ERC2: variants seen among roughly 807,000 people sequenced by gnomAD.
ERC2 encodes ERC protein 2.
In ERC2, 42 loss-of-function variants were observed where a neutral mutation model predicts 114.8. That is an observed-to-expected ratio of 0.37 (90% confidence interval 0.29 to 0.47). The LOEUF (loss-of-function observed/expected upper bound fraction) is 0.47, where lower values mean the gene tolerates loss of function less well. Among genes scored for constraint, ERC2 ranks in the 20% least tolerant of loss-of-function variants. The pLI is 0.99. For synonymous variants in ERC2, 454 were observed against 425.5 expected (o/e 1.07, Z -0.82); for missense variants, 939 against 1,150.7 (o/e 0.82, Z 2.66).
chr3:55,782,349 AT>A (rs1347861129), intron 14 of ERC2, among the ~76,000 whole-genome samples: 2 of 152,272 alleles, frequency 1.3e-5, no homozygotes, highest in African/African-American at 4.8e-5. Context: ...TTCCCCCTGC[AT>A]CCTTTTGCAT....
At chr3:55,944,304 A>G (rs1409131319) in intron 13 of ERC2, among the ~76,000 whole-genome samples, 2 of 152,240 alleles carry the variant, frequency 1.3e-5, no homozygotes, top group African/African-American at 4.8e-5. Context: ...AACCCTTTGG[A>G]AAAGAATAAT....
At chr3:56,071,708 C>T (rs2076747554) in intron 7 of ERC2, among the ~76,000 whole-genome samples, 1 of 152,036 alleles carries the variant, frequency 6.6e-6, no homozygotes, top group African/African-American at 2.4e-5. Flanking sequence ...AATAAAATAC[C>T]ATTTCATCAA....
At chr3:56,123,963 T>C (rs1339492878) in intron 6 of ERC2, among the ~76,000 whole-genome samples, 1 of 152,232 alleles carries the variant, frequency 6.6e-6, no homozygotes, top group Non-Finnish European at 1.5e-5. Flanking sequence ...AGCCAATTTG[T>C]ATTACAGATA....
rs954634863 is a variant in ERC2, at chr3:55,854,366, T to A, written c.2564+34023A>T. Among the ~76,000 whole-genome samples the A allele has an allele frequency of 2.0e-5, 3 of 152,146 alleles. No homozygotes were observed. In the South Asian group the frequency reaches 6.2e-4, roughly 31 times the overall value. On this transcript the variant is annotated intron_variant, in intron 14 of 17. Coordinates refer to ENST00000288221, the MANE Select transcript of ERC2 (RefSeq NM_015576.3). ...CTTGAGTTTTTGCTTTTGTAGTTGT[T>A]TTGTTTTGTTTTGTTTTGGTTTTGG...
At chr3:55,573,129 C>G (rs1472128595) in intron 17 of ERC2, among the ~76,000 whole-genome samples, 1 of 152,156 alleles carries the variant, frequency 6.6e-6, no homozygotes. Flanking sequence ...GTAAATATTT[C>G]TGGTATGTTA....
chr3:56,078,289 T>C lies in ERC2; in HGVS notation c.1641+2528A>G, dbSNP rs1192147105. On this transcript the variant is annotated intron_variant, in intron 7 of 17. Coordinates refer to ENST00000288221, the MANE Select transcript of ERC2 (RefSeq NM_015576.3). ...AAATCACCAATATCCTGAGAGTTTCTAACGAATGCAGTGTCTCTACTTTTA... is the reference window on the plus strand; with the variant it reads ...AAATCACCAATATCCTGAGAGTTTCCAACGAATGCAGTGTCTCTACTTTTA... Among the ~76,000 whole-genome samples the C allele has an allele frequency of 2.0e-5, 3 of 152,238 alleles. No individual in the cohort carries two copies. In the East Asian group the frequency reaches 5.8e-4, roughly 29 times the overall value.
At chr3:56,048,268 A>G (rs1438537924) in intron 7 of ERC2, among the ~76,000 whole-genome samples, 1 of 152,188 alleles carries the variant, frequency 6.6e-6, no homozygotes, top group Non-Finnish European at 1.5e-5. Context: ...TCCCAGTGCC[A>G]GGCACTGTTT....
chr3:56,404,526 G>T (rs528843902), intron 2 of ERC2, among the ~76,000 whole-genome samples: 29 of 152,212 alleles, frequency 1.9e-4, no homozygotes, highest in African/African-American at 7.0e-4. Context: ...ACACAACAGG[G>T]TGATTATAGT....
chr3:55,767,302 T>G (rs1474021514), intron 14 of ERC2, among the ~76,000 whole-genome samples: 1 of 152,226 alleles, frequency 6.6e-6, no homozygotes, highest in Non-Finnish European at 1.5e-5. Flanking sequence ...AAGTCACTAC[T>G]ACTTTTTTCC....
chr3:55,903,457 T>C (rs780616916), intron 13 of ERC2, among the ~76,000 whole-genome samples: 9 of 152,354 alleles, frequency 5.9e-5, no homozygotes, highest in Middle Eastern at 6.8e-3. Flanking sequence ...TGGGACTTTT[T>C]CTTTCTTGTA....
At chr3:56,345,221 A>G (rs1048592089) in intron 2 of ERC2, among the ~76,000 whole-genome samples, 6 of 152,218 alleles carry the variant, frequency 3.9e-5, no homozygotes, top group Non-Finnish European at 1.5e-5. Flanking sequence ...TGAAAACAAC[A>G]AAGTCTGAAT....
chr3:56,427,032 G>A (rs1304202505), intron 2 of ERC2, among the ~76,000 whole-genome samples: 2 of 150,356 alleles, frequency 1.3e-5, no homozygotes, highest in African/African-American at 4.9e-5. Flanking sequence ...TTAGCTGGAT[G>A]TGGTGGTGTG....
At chr3:56,273,398 C>T (rs974612577) in intron 3 of ERC2, among the ~76,000 whole-genome samples, 1 of 151,692 alleles carries the variant, frequency 6.6e-6, no homozygotes, top group Non-Finnish European at 1.5e-5. Context: ...GGACCACAGG[C>T]ACACACTACC....
chr3:56,370,587 G>GTTTTTTT (rs1404693067), intron 2 of ERC2, among the ~76,000 whole-genome samples: 2 of 138,398 alleles, frequency 1.4e-5, no homozygotes, highest in Admixed American at 7.5e-5. Context: ...TTTGGTGGGG[G>GTTTTTTT]TTTTTTTGTT....
chr3:56,323,473 C>T (rs1416843210), intron 2 of ERC2, among the ~76,000 whole-genome samples: 1 of 152,102 alleles, frequency 6.6e-6, no homozygotes, highest in Non-Finnish European at 1.5e-5. Context: ...ACCTACTAGG[C>T]CCTGTCAAAT....
At chr3:55,656,620 T>C (rs868461871) in intron 17 of ERC2, among the ~76,000 whole-genome samples, 93 of 152,318 alleles carry the variant, frequency 6.1e-4, no homozygotes, top group Admixed American at 1.4e-3. Flanking sequence ...AATAGAGACC[T>C]TGTGATTATC....
chr3:56,098,590 A>C (rs892574690), intron 6 of ERC2, among the ~76,000 whole-genome samples: 6 of 152,204 alleles, frequency 3.9e-5, no homozygotes, highest in African/African-American at 1.4e-4. Flanking sequence ...TTTCAATGAG[A>C]CTGACTGTTC....
chr3:55,650,342 C>G (rs531560318), intron 17 of ERC2, among the ~76,000 whole-genome samples: 4 of 152,272 alleles, frequency 2.6e-5, no homozygotes, highest in African/African-American at 9.6e-5. Context: ...CCACCCACCT[C>G]TCCAATTTCA....
At chr3:55,683,907 C>G in intron 16 of ERC2, 48 bp from the exon 17 acceptor site, 1 of 1,595,322 alleles carries the variant, frequency 6.3e-7, no homozygotes, top group Non-Finnish European at 8.5e-7. Flanking sequence ...AGGGGAGCAC[C>G]AGAATGAAAG....
Sources: gnomAD v4.1 joint callset for allele counts (sites outside exome capture counted in the v4.1 genomes callset) on GRCh38, gnomAD v4.1.1 for gene constraint, MANE v1.5 for transcripts, NCBI Gene and HGNC (gene_info 2026-07-23, HGNC 2026-07-21) for gene names.